Variants in FHIT observed in about 807,000 individuals in gnomAD.
FHIT encodes fragile histidine triad diadenosine triphosphatase, also known as bis(5'-adenosyl)-triphosphatase.
A neutral mutation model predicts 17.9 loss-of-function variants in FHIT; 19 were observed. The observed-to-expected ratio is 1.06, with a 90% CI of 0.74 to 1.56. The LOEUF (loss-of-function observed/expected upper bound fraction) is 1.56, where lower values mean the gene tolerates loss of function less well. FHIT is among the 40% of genes most tolerant of loss of function. The pLI is 0.00. For synonymous variants in FHIT, 81 were observed against 69.7 expected (o/e 1.16, Z -0.81); for missense variants, 248 against 189.2 (o/e 1.31, Z -1.82).
intron 8 of FHIT, among the ~76,000 whole-genome samples, chr3:59,825,453 C>T (rs1700944211): frequency 6.6e-6 from 1 of 152,168 alleles, no homozygotes; most frequent in African/African-American, 2.4e-5. Context: ...AATAAATCCT[C>T]TTGCAACTTT....
intron 7 of FHIT, among the ~76,000 whole-genome samples, chr3:59,972,700 C>T (rs1314248050): frequency 1.3e-5 from 2 of 152,128 alleles, no homozygotes; most frequent in Non-Finnish European, 2.9e-5. Context: ...TGACCCTGCT[C>T]TGCTCCTGCA....
At chr3:60,738,758 C>T (rs1199062643) in intron 4 of FHIT, among the ~76,000 whole-genome samples, 1 of 152,142 alleles carries the variant, frequency 6.6e-6, no homozygotes, top group Non-Finnish European at 1.5e-5. Context: ...ATTTCTCTCC[C>T]CAGTGATACA....
At chr3:60,020,246 T>A (rs1409878375) in intron 5 of FHIT, among the ~76,000 whole-genome samples, 1 of 152,226 alleles carries the variant, frequency 6.6e-6, no homozygotes, top group African/African-American at 2.4e-5. Flanking sequence ...AATAATTGAT[T>A]AAAAATATTT....
intron 3 of FHIT, among the ~76,000 whole-genome samples, chr3:60,976,109 T>TTTC (rs1286584714): frequency 1.6e-5 from 2 of 126,286 alleles, no homozygotes; most frequent in Non-Finnish European, 3.3e-5. Flanking sequence ...TTTTTTTTTT[T>TTTC]TTTTTTTTTT....
intron 5 of FHIT, among the ~76,000 whole-genome samples, chr3:60,343,896 A>G (rs1710645812): frequency 6.6e-6 from 1 of 152,184 alleles, no homozygotes; most frequent in Non-Finnish European, 1.5e-5. Flanking sequence ...TTGGTGGCTC[A>G]TGTTGTAAAA....
chr3:60,296,336 C>T (rs1708207689), intron 5 of FHIT, among the ~76,000 whole-genome samples: 1 of 152,042 alleles, frequency 6.6e-6, no homozygotes, highest in African/African-American at 2.4e-5. Flanking sequence ...CGCATCTTCA[C>T]CAGCATTTAG....
chr3:60,956,459 T>C (rs1020453214), intron 3 of FHIT, among the ~76,000 whole-genome samples: 2 of 152,220 alleles, frequency 1.3e-5, no homozygotes, highest in Non-Finnish European at 2.9e-5. Context: ...TACTTTATTG[T>C]CCCTACCTTT....
chr3:60,903,866 A>T (rs963044703), intron 3 of FHIT, among the ~76,000 whole-genome samples: 1 of 152,188 alleles, frequency 6.6e-6, no homozygotes, highest in East Asian at 1.9e-4. Context: ...CCTCTGGAGG[A>T]TAAATACCCA....
chr3:60,123,991 TATATATATATATATATATAGAGAGAG>T (rs1319291403), intron 5 of FHIT, among the ~76,000 whole-genome samples: 29 of 48,676 alleles, frequency 6.0e-4, no homozygotes, highest in South Asian at 3.8e-3. Flanking sequence ...TATATATATA[TATATATATATATATATATAGAGAGAG>T]AGAGAGAGAG....
chr3:61,002,990 G>A (rs775039381), intron 3 of FHIT, among the ~76,000 whole-genome samples: 1 of 152,100 alleles, frequency 6.6e-6, no homozygotes, highest in African/African-American at 2.4e-5. Context: ...CCTTTCTCAA[G>A]GTCTGGTGCA....
chr3:60,964,624 C>T (rs1198255112), intron 3 of FHIT, among the ~76,000 whole-genome samples: 1 of 152,122 alleles, frequency 6.6e-6, no homozygotes, highest in Non-Finnish European at 1.5e-5. Flanking sequence ...GTAAGGCAGG[C>T]CTGGTGGTGA....
chr3:60,507,405 A>G (rs35212164), intron 5 of FHIT, among the ~76,000 whole-genome samples: 2 of 152,226 alleles, frequency 1.3e-5, no homozygotes, highest in Non-Finnish European at 2.9e-5. Flanking sequence ...AGAGGCCTTT[A>G]AAGGCCATGT....
chr3:60,217,834 G>A (rs1559736108), intron 5 of FHIT, among the ~76,000 whole-genome samples: 3 of 152,052 alleles, frequency 2.0e-5, no homozygotes. Flanking sequence ...CTTCCTCAAG[G>A]AATTACTCTG....
chr3:60,794,753 T>G (rs1700915586), intron 4 of FHIT, among the ~76,000 whole-genome samples: 1 of 152,250 alleles, frequency 6.6e-6, no homozygotes, highest in African/African-American at 2.4e-5. Flanking sequence ...GAGTTTGATT[T>G]ATAGTTTTCT....
In FHIT at chr3:60,034,121, A is replaced by G. The variant is rs75765745; in HGVS notation, c.104-19969T>C. Reference sequence around the variant, plus strand: ...CTCACTCAATCTTCACAACAATTTCATAAGGTAGGTACTCTAACTGTCCCT... The same window carrying G: ...CTCACTCAATCTTCACAACAATTTCGTAAGGTAGGTACTCTAACTGTCCCT... On this transcript the variant is annotated intron_variant, in intron 5 of 9. Transcript: ENST00000492590. 8.3e-3 allele frequency among the ~76,000 whole-genome samples: 1,268 copies of G among 152,342 alleles called. 16 individuals are homozygous for G. The highest frequency in any genetic ancestry group is 0.028 in the African/African-American group (1,181 of 41,564).
At chr3:60,883,301 A>T (rs371954339) in intron 3 of FHIT, among the ~76,000 whole-genome samples, 1 of 152,146 alleles carries the variant, frequency 6.6e-6, no homozygotes, top group East Asian at 1.9e-4. Context: ...ACCAAAAACA[A>T]TTTACAGATT....
chr3:60,337,214 G>A (rs1277777105), intron 5 of FHIT, among the ~76,000 whole-genome samples: 2 of 152,118 alleles, frequency 1.3e-5, no homozygotes, highest in African/African-American at 4.8e-5. Context: ...TTATCGAAAG[G>A]TAGGAAAAAT....
chr3:60,854,095 C>A (rs1421197887), intron 3 of FHIT, among the ~76,000 whole-genome samples: 1 of 152,118 alleles, frequency 6.6e-6, no homozygotes, highest in East Asian at 1.9e-4. Context: ...AGAATGTAAA[C>A]TTCTTGGGTT....
chr3:60,001,204 G>A (rs558991081), intron 7 of FHIT, among the ~76,000 whole-genome samples: 25 of 152,236 alleles, frequency 1.6e-4, no homozygotes, highest in Middle Eastern at 3.4e-3. Flanking sequence ...GTTTTTCCTA[G>A]GCTGTCTTGC....
Sources: allele counts gnomAD v4.1 joint callset (sites outside exome capture counted in the v4.1 genomes callset), GRCh38; gene constraint gnomAD v4.1.1; transcripts MANE v1.5; gene names NCBI Gene and HGNC (gene_info 2026-07-23, HGNC 2026-07-21).